Variants in LTBP1 observed in about 807,000 individuals in gnomAD.
LTBP1 encodes latent transforming growth factor beta binding protein 1, also known as latent-transforming growth factor beta-binding protein 1.
LTBP1 carries 129 observed loss-of-function variants against 207.6 expected under a neutral mutation model. The observed-to-expected ratio is 0.62, with a 90% confidence interval of 0.54 to 0.72. The LOEUF (loss-of-function observed/expected upper bound fraction) is 0.72. Among genes scored for constraint, LTBP1 ranks in the 30% least tolerant of loss-of-function variants. LTBP1 has a pLI of 0.00. For missense variants in LTBP1, 2,281 were observed against 2,217.2 expected, an observed-to-expected ratio of 1.03 and a Z score of -0.58; for synonymous variants, 963 against 833.7, an observed-to-expected ratio of 1.16 and a Z score of -2.67.
chr2:33,131,612 G>A (rs563316793), intron 4 of LTBP1, among the ~76,000 whole-genome samples: 8 of 152,178 alleles, frequency 5.3e-5, no homozygotes, highest in Non-Finnish European at 1.2e-4. Flanking sequence ...TTATAATGAA[G>A]AAGTAAGTGC....
chr2:32,948,904 ATGGCTGGAGTAAGG>A lies in LTBP1; in HGVS notation c.525_538del (p.Gly176ProfsTer10). 1 of 1,614,162 alleles carries A rather than the reference ATGGCTGGAGTAAGG, an allele frequency of 6.2e-7. No individual in the cohort carries two copies. Among genetic ancestry groups the A allele is most frequent in the Non-Finnish European group, 8.5e-7 (1 of 1,180,032 alleles). ...AATGTCTGTGGAGGGCGGTGCTGTC[ATGGCTGGAGTAAGG>A]CCCCTGGCTCCCAGAGGTGCACCAA... On this transcript the variant is annotated frameshift_variant, in exon 2 of 34. Coordinates refer to ENST00000404816, the MANE Select transcript of LTBP1 (RefSeq NM_206943.4). LOFTEE classifies it high-confidence loss of function.
In LTBP1 at chr2:33,341,729, A is replaced by AAAAAAAAT. The variant is rs745445793; in HGVS notation, c.3731-1108_3731-1107insAAAAAATA. On this transcript the variant is annotated intron_variant, in intron 24 of 33. Coordinates refer to ENST00000404816, the MANE Select transcript of LTBP1 (RefSeq NM_206943.4). ...CCGTCTCACTCAAAAAAAAAAAAAA[A>AAAAAAAAT]ATATATATATATATATGTATATTTA... 5.6e-3 allele frequency among the ~76,000 whole-genome samples: 520 copies of AAAAAAAAT among 93,598 alleles called. 16 individuals carry two copies. The highest frequency in any genetic ancestry group is 0.025 in the African/African-American group (497 of 19,620). The allele number at this position is 93,598 out of a possible 152,430, so 61.4% of individuals were successfully genotyped here.
intron 3 of LTBP1, among the ~76,000 whole-genome samples, chr2:33,075,197 C>T (rs770942152): frequency 9.9e-5 from 15 of 152,208 alleles, no homozygotes; most frequent in Non-Finnish European, 1.9e-4. Flanking sequence ...ATTCTAGCTC[C>T]TCAGGAGGCT....
intron 3 of LTBP1, among the ~76,000 whole-genome samples, chr2:33,063,754 T>A (rs2077373275): frequency 6.6e-6 from 1 of 152,188 alleles, no homozygotes; most frequent in Non-Finnish European, 1.5e-5. Flanking sequence ...TTTCAATCCA[T>A]GAATATGGTA....
At chr2:33,214,479 C>T (rs2090541276) in intron 7 of LTBP1, among the ~76,000 whole-genome samples, 1 of 152,168 alleles carries the variant, frequency 6.6e-6, no homozygotes, top group Non-Finnish European at 1.5e-5. Context: ...TTTGTTTCGT[C>T]ATCTCTGTGA....
chr2:33,119,918 C>A (rs1037049724), intron 4 of LTBP1, among the ~76,000 whole-genome samples: 14 of 152,176 alleles, frequency 9.2e-5, no homozygotes, highest in African/African-American at 3.4e-4. Flanking sequence ...GTGTTATTTT[C>A]TGTGATTTTA....
chr2:33,277,605 C>A (rs762192996), intron 18 of LTBP1, among the ~76,000 whole-genome samples: 2 of 151,942 alleles, frequency 1.3e-5, no homozygotes, highest in Non-Finnish European at 1.5e-5. Context: ...AATCTCCCCC[C>A]ATCCCTGACT....
intron 4 of LTBP1, among the ~76,000 whole-genome samples, chr2:33,130,156 G>A (rs931772614): frequency 1.3e-5 from 2 of 152,060 alleles, no homozygotes; most frequent in East Asian, 3.9e-4. Context: ...TCGGGTAAGC[G>A]ATGGACTGCA....
chr2:33,209,757 T>G (rs1291547715), intron 7 of LTBP1, among the ~76,000 whole-genome samples: 1 of 152,238 alleles, frequency 6.6e-6, no homozygotes, highest in Admixed American at 6.5e-5. Flanking sequence ...TTAATTGCTC[T>G]TTTGTTAAAT....
In LTBP1 at chr2:33,129,500, A is replaced by G. The variant is rs564654874; in HGVS notation, c.1034-5293A>G. 3.9e-5 allele frequency among the ~76,000 whole-genome samples: 6 copies of G among 152,334 alleles called. No homozygotes were observed. The South Asian group carries it at 1.2e-3, about 32-fold the overall frequency. On this transcript the variant is annotated intron_variant, in intron 4 of 33. Coordinates refer to ENST00000404816, the MANE Select transcript of LTBP1 (RefSeq NM_206943.4). ...ATCTATAAAGTTAGAAGTTTCCATCATGTGTCAAGATGATTCTTGCATAAT... is the reference window on the plus strand; with the variant it reads ...ATCTATAAAGTTAGAAGTTTCCATCGTGTGTCAAGATGATTCTTGCATAAT...
intron 3 of LTBP1, among the ~76,000 whole-genome samples, chr2:33,068,144 C>A (rs1237142533): frequency 8.5e-6 from 1 of 118,154 alleles, no homozygotes; most frequent in African/African-American, 3.4e-5. Context: ...AGCAGAGTAA[C>A]ATTTGCGATT....
intron 5 of LTBP1, among the ~76,000 whole-genome samples, chr2:33,142,510 G>A (rs961788466): frequency 9.2e-5 from 14 of 152,012 alleles, no homozygotes; most frequent in South Asian, 2.1e-4. Context: ...CTGGGTAGAC[G>A]AAGGGGTGCG....
chr2:33,016,419 C>T (rs1397636700), intron 2 of LTBP1, among the ~76,000 whole-genome samples: 2 of 152,176 alleles, frequency 1.3e-5, no homozygotes, highest in African/African-American at 4.8e-5. Context: ...TTGTTCCTAA[C>T]CCACTACTTT....
chr2:33,073,447 T>A (rs1339200434), intron 3 of LTBP1, among the ~76,000 whole-genome samples: 1 of 152,206 alleles, frequency 6.6e-6, no homozygotes, highest in Non-Finnish European at 1.5e-5. Flanking sequence ...TTTACAGTTT[T>A]CATCTCGAGC....
chr2:33,166,834 G>A (rs1947444), intron 5 of LTBP1, among the ~76,000 whole-genome samples: 63,985 of 152,012 alleles, frequency 0.42, 14,382 homozygotes, highest in Non-Finnish European at 0.5. Context: ...AATGAATCAC[G>A]TGGCCCTGAA....
chr2:33,188,598 T>A lies in LTBP1; in HGVS notation c.1448T>A (p.Val483Asp). The A allele has an allele frequency of 6.2e-7, 1 of 1,613,364 alleles. No homozygotes were observed. Among genetic ancestry groups the A allele is most frequent in the Non-Finnish European group, 8.5e-7 (1 of 1,179,892 alleles). Residue 483 changes from valine to aspartate, a missense_variant, in exon 7 of 34, where the codon GTC (valine) becomes GAC (aspartate). Val to Asp is a radical substitution (Grantham distance 152). Coordinates refer to ENST00000404816, the MANE Select transcript of LTBP1 (RefSeq NM_206943.4). Reference sequence around the variant, plus strand: ...GTAGTGAAATTTCCTCCTAACATAGTCAATATCCATGTGAAACATCCTCCT... The same window carrying A: ...GTAGTGAAATTTCCTCCTAACATAGACAATATCCATGTGAAACATCCTCCT... ...GVKVKFPPNI[V>D]NIHVKHPPEA...
chr2:33,248,721 G>A (rs867559233), intron 10 of LTBP1, among the ~76,000 whole-genome samples: 1 of 151,854 alleles, frequency 6.6e-6, no homozygotes, highest in African/African-American at 2.4e-5. Flanking sequence ...TGAGTAGCTG[G>A]GATTACAGGC....
Position 33,110,704 on chromosome 2 carries a change from C to G in LTBP1, c.986C>G (p.Ser329Cys), listed in dbSNP as rs759417622. ...TCAGGAGAGCAGTCCACTGAAGGTT[C>G]TTTCCCTTTAAGATATGTGCAGGAT... is the stretch of plus-strand genomic sequence containing the variant. ...GISGEQSTEG[S>C]FPLRYVQDQV... is the part of the protein sequence containing the mutation. The change falls in exon 4 of 34, where the codon TCT (serine) becomes TGT (cysteine). Residue 329 changes from serine (S) to cysteine (C), a missense_variant. Ser to Cys is a moderately radical substitution (Grantham distance 112). Around this residue, in one of 3 missense-constraint regions of LTBP1, gnomAD observed 555 missense variants for 491.0 expected, o/e 1.13. Coordinates refer to ENST00000404816, the MANE Select transcript of LTBP1 (RefSeq NM_206943.4). 3.1e-6 allele frequency: 5 copies of G among 1,614,194 alleles called. No individual in the cohort carries two copies. The highest frequency in any genetic ancestry group is 4.2e-6 in the Non-Finnish European group (5 of 1,180,016).
chr2:33,116,733 A>G (rs906010613), intron 4 of LTBP1, among the ~76,000 whole-genome samples: 5 of 151,480 alleles, frequency 3.3e-5, no homozygotes, highest in Non-Finnish European at 5.9e-5. Context: ...AACATGGGGG[A>G]GAGAGAGAGA....
Sources: allele counts gnomAD v4.1 joint callset (sites outside exome capture counted in the v4.1 genomes callset), GRCh38; gene constraint gnomAD v4.1.1; regional missense constraint gnomAD v4.1.1; transcripts MANE v1.5; gene names NCBI Gene and HGNC (gene_info 2026-07-23, HGNC 2026-07-21).